Variants in ESCO1 observed in about 807,000 individuals in gnomAD.
ESCO1 encodes N-acetyltransferase ESCO1.
A neutral mutation model predicts 83.5 loss-of-function variants in ESCO1; 33 were observed. The ratio of observed to expected loss-of-function variants is 0.40; its 90% CI spans 0.30 to 0.53. ESCO1 has a LOEUF of 0.53. Among genes scored for constraint, ESCO1 ranks in the 20% least tolerant of loss-of-function variants. The pLI is 0.63. For synonymous variants in ESCO1, 332 were observed against 324.3 expected (o/e 1.02, Z -0.25); for missense variants, 855 against 968.0 (o/e 0.88, Z 1.55).
chr18:21,597,494 T>TAA (rs558952428), intron 1 of ESCO1, among the ~76,000 whole-genome samples: 4 of 138,422 alleles, frequency 2.9e-5, no homozygotes, highest in African/African-American at 2.6e-5. Context: ...CCACTGTTAC[T>TAA]AAAAAAAAAA....
Position 21,574,388 on chromosome 18 carries a change from C to A in ESCO1, c.456G>T (p.Leu152Phe). The change falls in exon 4 of 12, where the codon TTG becomes TTT. Residue 152 changes from leucine to phenylalanine, a missense_variant. Physicochemically the swap from Leu to Phe is conservative, Grantham distance 22 (BLOSUM62 0). Transcript: ENST00000269214. ...QGQVQAVKQS[L>F]PPTKKEQCSS... ...TACACTGCTCTTTTTTAGTTGGTGG[C>A]AAACTCTGTTTAACTGCTTGAACTT... The A allele has an allele frequency of 6.2e-7, 1 of 1,614,018 alleles. No homozygotes were observed. Among genetic ancestry groups the A allele is most frequent in the Non-Finnish European group, 8.5e-7 (1 of 1,180,014 alleles).
chr18:21,547,502 T>C (rs903766382), intron 8 of ESCO1, among the ~76,000 whole-genome samples: 3 of 152,126 alleles, frequency 2.0e-5, no homozygotes, highest in African/African-American at 7.2e-5. Flanking sequence ...ATAAATCTAA[T>C]AGGAGAAACA....
At chr18:21,592,203 G>T (rs1598481043) in intron 1 of ESCO1, among the ~76,000 whole-genome samples, 1 of 149,062 alleles carries the variant, frequency 6.7e-6, no homozygotes, top group Admixed American at 6.7e-5. Context: ...CCCAGACGGG[G>T]TGGTGGCCGG....
chr18:21,564,138 C>T, intron 7 of ESCO1, 65 bp downstream of exon 7: 1 of 1,040,488 alleles, frequency 9.6e-7, no homozygotes, highest in Middle Eastern at 2.9e-4. Flanking sequence ...CGTATTATAG[C>T]AACATGAAAT....
Position 21,562,155 on chromosome 18 carries a change from C to T in ESCO1, c.1822-1165G>A, listed in dbSNP as rs549658430. Reference sequence around the variant, plus strand: ...TCGGCCTCCCAAAGTGCTAGGATTACAGGCATGAGCCACCGCACCCAATCC... The same window carrying T: ...TCGGCCTCCCAAAGTGCTAGGATTATAGGCATGAGCCACCGCACCCAATCC... On this transcript the variant is annotated intron_variant, in intron 7 of 11. Coordinates refer to ENST00000269214, the MANE Select transcript of ESCO1 (RefSeq NM_052911.3). Among the ~76,000 whole-genome samples the T allele has an allele frequency of 2.5e-3, 381 of 152,260 alleles. 2 individuals are homozygous for T. The highest frequency in any genetic ancestry group is 8.7e-3 in the African/African-American group (360 of 41,564).
At chr18:21,569,349 G>C (rs2146206386) in intron 4 of ESCO1, among the ~76,000 whole-genome samples, 1 of 152,338 alleles carries the variant, frequency 6.6e-6, no homozygotes, top group Non-Finnish European at 1.5e-5. Context: ...TGTAATCCCA[G>C]AACTTTTGGG....
intron 10 of ESCO1, among the ~76,000 whole-genome samples, chr18:21,533,463 GT>G (rs1184805054): frequency 1.3e-5 from 2 of 152,060 alleles, no homozygotes; most frequent in African/African-American, 4.8e-5. Context: ...GCCCGACTAA[GT>G]TTTGTATTTT....
At chr18:21,542,068 A>C (rs935522744) in intron 8 of ESCO1, among the ~76,000 whole-genome samples, 1 of 152,236 alleles carries the variant, frequency 6.6e-6, no homozygotes, top group African/African-American at 2.4e-5. Context: ...TTTATGTTTT[A>C]AATAGTACCT....
At chr18:21,554,446 A>G (rs1264497526) in intron 8 of ESCO1, among the ~76,000 whole-genome samples, 1 of 152,184 alleles carries the variant, frequency 6.6e-6, no homozygotes, top group Non-Finnish European at 1.5e-5. Context: ...ACACAGCGCT[A>G]AAAAGAAACG....
chr18:21,564,200 T>C lies in ESCO1; in HGVS notation c.1821+3A>G. The C allele has an allele frequency of 6.4e-7, 1 of 1,558,022 alleles. No homozygotes were observed. Among genetic ancestry groups the C allele is most frequent in the Non-Finnish European group, 8.8e-7 (1 of 1,136,596 alleles). On this transcript the variant is annotated splice_donor_region_variant and intron_variant, in intron 7 of 11. Transcript: ENST00000269214. ...CACCAAAATGGTCAAGTTGTGTACT[T>C]ACTATAATCAACTGTTTTTCATCAG...
Position 21,564,294 on chromosome 18 carries a change from A to G in ESCO1, c.1730T>C (p.Leu577Ser). ...CTCCAAATGGGAATTACACTTAGGC[A>G]AAGAATGATTTCGTGGTGTCTCCCT... ...DNRETPRNHS[L>S]PKCNSHLEIT... is the part of the protein sequence containing the mutation. Residue 577 changes from leucine (L) to serine (S), a missense_variant, in exon 7 of 12, where the codon TTG becomes TCG. Physicochemically the swap from Leu to Ser is moderately radical, Grantham distance 145. Transcript: ENST00000269214. The G allele has an allele frequency of 6.2e-7, 1 of 1,610,672 alleles. No homozygotes were observed. Among genetic ancestry groups the G allele is most frequent in the East Asian group, 2.2e-5 (1 of 44,816 alleles).
chr18:21,530,505 TGGGGG>T lies in ESCO1; in HGVS notation c.2376-20_2376-16del. 1.7e-6 allele frequency: 2 copies of T among 1,148,900 alleles called. No individual in the cohort carries two copies. The highest frequency in any genetic ancestry group is 2.3e-6 in the Non-Finnish European group (2 of 852,880). 71.2% of individuals were successfully genotyped at this position (1,148,900 alleles called of 1,614,324 possible). On this transcript the variant is annotated splice_polypyrimidine_tract_variant and intron_variant, in intron 11 of 11. Coordinates refer to ENST00000269214, the MANE Select transcript of ESCO1 (RefSeq NM_052911.3). The stretch of plus-strand genomic sequence containing the variant: ...TAAAGTTACTCCTATTAAAAAAAAA[TGGGGG>T]GGGGGAAGGGTTAAGTGTGAAATGT...
chr18:21,537,867 C>T (rs1432089280), intron 9 of ESCO1, among the ~76,000 whole-genome samples: 4 of 151,894 alleles, frequency 2.6e-5, no homozygotes, highest in African/African-American at 4.8e-5. Context: ...TTCAGTTGAC[C>T]CTCGAACAAC....
rs1182687126 is a variant in ESCO1, at chr18:21,560,343, G to A, written c.1953+516C>T. ...TGTGGGAATTTTTTTTTTTTTTTTA[G>A]TATACTACAAATTCTGAGGTCTTAA... On this transcript the variant is annotated intron_variant, in intron 8 of 11. Coordinates refer to ENST00000269214, the MANE Select transcript of ESCO1 (RefSeq NM_052911.3). Among the ~76,000 whole-genome samples, 10 of 96,980 alleles carry A rather than the reference G, an allele frequency of 1.0e-4. No individual in the cohort carries two copies. In the Admixed American group the frequency reaches 1.1e-3, roughly 10 times the overall value. 63.6% of individuals were successfully genotyped at this position (96,980 alleles called of 152,430 possible).
chr18:21,579,920 G>C (rs1390732705), intron 2 of ESCO1, among the ~76,000 whole-genome samples: 2 of 149,696 alleles, frequency 1.3e-5, no homozygotes, highest in African/African-American at 4.9e-5. Context: ...TTTTGAGATG[G>C]AGTCTCCCTC....
chr18:21,587,435 G>A (rs1033589575), intron 1 of ESCO1, among the ~76,000 whole-genome samples: 3 of 152,070 alleles, frequency 2.0e-5, no homozygotes, highest in African/African-American at 4.8e-5. Context: ...CTTTGTTATA[G>A]GTCTATTCAG....
intron 1 of ESCO1, among the ~76,000 whole-genome samples, chr18:21,590,876 C>A (rs1011317692): frequency 1.3e-5 from 2 of 151,366 alleles, no homozygotes; most frequent in African/African-American, 4.9e-5. Context: ...ACCCAGGAGG[C>A]AGAGGTTGCA....
At chr18:21,546,357 G>A (rs1255136887) in intron 8 of ESCO1, among the ~76,000 whole-genome samples, 1 of 151,444 alleles carries the variant, frequency 6.6e-6, no homozygotes, top group Non-Finnish European at 1.5e-5. Flanking sequence ...AGACCAGCCT[G>A]TTAGAGCAGC....
intron 1 of ESCO1, among the ~76,000 whole-genome samples, chr18:21,591,417 G>A (rs556579809): frequency 6.6e-6 from 1 of 152,252 alleles, no homozygotes; most frequent in Admixed American, 6.5e-5. Context: ...ATAGGAAACT[G>A]GTCTCTCCTA....
Sources: gnomAD v4.1 joint callset for allele counts (sites outside exome capture counted in the v4.1 genomes callset) on GRCh38, gnomAD v4.1.1 for gene constraint, MANE v1.5 for transcripts, NCBI Gene and HGNC (gene_info 2026-07-23, HGNC 2026-07-21) for gene names.